FANCL: variants seen among roughly 807,000 people sequenced by gnomAD.
FANCL encodes E3 ubiquitin-protein ligase FANCL.
FANCL carries 69 observed loss-of-function variants against 59.4 expected under a neutral mutation model. The ratio of observed to expected loss-of-function variants is 1.16; its 90% CI spans 0.96 to 1.42. The LOEUF is 1.42. FANCL is among the 40% of genes most tolerant of loss of function. The pLI, the probability that FANCL is intolerant of heterozygous loss-of-function variation, is 0.00. For synonymous variants in FANCL, 180 were observed against 147.1 expected, an observed-to-expected ratio of 1.22 and a Z score of -1.62; for missense variants, 519 against 447.2, an observed-to-expected ratio of 1.16 and a Z score of -1.45.
chr2:58,184,963 A>G (rs1428963705), intron 7 of FANCL, among the ~76,000 whole-genome samples: 1 of 152,260 alleles, frequency 6.6e-6, no homozygotes, highest in East Asian at 1.9e-4. Flanking sequence ...AACCCACCAC[A>G]GACTTTAAAA....
At chr2:58,220,040 T>A (rs937198685) in intron 5 of FANCL, among the ~76,000 whole-genome samples, 5 of 151,830 alleles carry the variant, frequency 3.3e-5, no homozygotes, top group African/African-American at 7.3e-5. Flanking sequence ...CTAATATCCA[T>A]GGGTAAAACT....
chr2:58,224,249 C>T (rs1558816341), intron 4 of FANCL, among the ~76,000 whole-genome samples: 1 of 151,696 alleles, frequency 6.6e-6, no homozygotes. Flanking sequence ...TTCCCTTAGT[C>T]TCTCCTTGTA....
chr2:58,196,008 G>A (rs1689388001), intron 7 of FANCL, among the ~76,000 whole-genome samples: 1 of 152,066 alleles, frequency 6.6e-6, no homozygotes. Context: ...AACCTTATCA[G>A]TAGTGCTACA....
Position 58,175,143 on chromosome 2 carries a change from T to C in FANCL, c.541-9269A>G, listed in dbSNP as rs552473467. Among the ~76,000 whole-genome samples, 540 of 145,972 alleles carry C rather than the reference T, an allele frequency of 3.7e-3. 7 individuals carry two copies. Among genetic ancestry groups the C allele is most frequent in the African/African-American group, 0.013 (512 of 38,144 alleles). On this transcript the variant is annotated intron_variant, in intron 7 of 13. Transcript: ENST00000233741. ...GCTCTGAAATTGTGGCGAAAATCAA[T>C]AGCTTACCAACCAAAAAGAGTCCAG... is the stretch of plus-strand genomic sequence containing the variant.
Position 58,172,901 on chromosome 2 carries a change from C to T in FANCL, c.541-7027G>A, listed in dbSNP as rs555034008. On this transcript the variant is annotated intron_variant, in intron 7 of 13. Transcript: ENST00000233741. The stretch of plus-strand genomic sequence containing the variant: ...CTGAAAACTTTGAAAAAAATTTAGA[C>T]GAATGCATAACTAGAATAACCAATA... 1.5e-4 allele frequency among the ~76,000 whole-genome samples: 23 copies of T among 152,182 alleles called. No individual in the cohort carries two copies. The South Asian group carries it at 3.1e-3, about 21-fold the overall frequency.
chr2:58,200,297 C>T (rs1158331428), intron 6 of FANCL, among the ~76,000 whole-genome samples: 1 of 152,002 alleles, frequency 6.6e-6, no homozygotes, highest in Admixed American at 6.6e-5. Flanking sequence ...TCTTTGGTTC[C>T]AGCTCTGCTA....
chr2:58,215,437 T>C (rs1691616438), intron 5 of FANCL, among the ~76,000 whole-genome samples: 1 of 152,122 alleles, frequency 6.6e-6, no homozygotes, highest in Admixed American at 6.5e-5. Context: ...CTGGCCTAAA[T>C]GGAATAGCTT....
chr2:58,235,559 A>G (rs1184069177), intron 1 of FANCL, among the ~76,000 whole-genome samples: 1 of 152,112 alleles, frequency 6.6e-6, no homozygotes, highest in East Asian at 1.9e-4. Flanking sequence ...TCTCAAGAAT[A>G]CTTAGAGAAC....
rs764407713 is a variant in FANCL at position 58,241,300 on chromosome 2, TC to T, written c.13del (p.Glu5LysfsTer36). The T allele has an allele frequency of 6.2e-7, 1 of 1,614,216 alleles. No homozygotes were observed. Among genetic ancestry groups the T allele is most frequent in the Non-Finnish European group, 8.5e-7 (1 of 1,180,028 alleles). On this transcript the variant is annotated frameshift_variant, in exon 1 of 14. Coordinates refer to ENST00000233741, the MANE Select transcript of FANCL (RefSeq NM_018062.4). LOFTEE classifies it high-confidence loss of function. MAVT[E>X]ASLLRQCPLL... ...GGGGCACTGGCGCAACAGGCTCGCT[TC>T]CGTCACCGCCATGGCTCGAAGTCCG...
chr2:58,162,511 C>T (rs1685344791), intron 11 of FANCL, among the ~76,000 whole-genome samples: 1 of 151,514 alleles, frequency 6.6e-6, no homozygotes, highest in Non-Finnish European at 1.5e-5. Flanking sequence ...TTTTTTTAAC[C>T]AAATGCAGAT....
upstream of FANCL, chr2:58,241,340 A>T (rs1337214006): frequency 6.2e-7 from 1 of 1,610,924 alleles, no homozygotes; most frequent in South Asian, 1.1e-5. Flanking sequence ...AAACACAGAA[A>T]AGCTCTAGAC....
At chr2:58,173,873 T>A (rs957020230) in intron 7 of FANCL, among the ~76,000 whole-genome samples, 3 of 152,036 alleles carry the variant, frequency 2.0e-5, no homozygotes, top group African/African-American at 7.3e-5. Flanking sequence ...CCCATCAGTG[T>A]GCTGTATTCA....
chr2:58,187,830 A>T (rs182670062), intron 7 of FANCL, among the ~76,000 whole-genome samples: 1 of 152,274 alleles, frequency 6.6e-6, no homozygotes, highest in Non-Finnish European at 1.5e-5. Flanking sequence ...AGTTCTTTAT[A>T]TATTTTAAAC....
chr2:58,219,418 T>C (rs1247520118), intron 5 of FANCL, among the ~76,000 whole-genome samples: 1 of 151,472 alleles, frequency 6.6e-6, no homozygotes, highest in Non-Finnish European at 1.5e-5. Context: ...AAATTCCAAA[T>C]CTGTGTAAAT....
At chr2:58,194,374 C>G (rs1159291126) in intron 7 of FANCL, 1 of 458,178 alleles carries the variant, frequency 2.2e-6, no homozygotes, top group African/African-American at 2.0e-5. Context: ...ATTTACACAT[C>G]TGACCTGTAT....
Position 58,241,216 on chromosome 2 carries a change from A to C in FANCL, c.96+2T>G. ...GCTAGAAAGCAACCACTGGGCGGGT[A>C]CCTGAGCCGAGATGAATCCCTCATA... On this transcript the variant is annotated splice_donor_variant, in intron 1 of 13. Coordinates refer to ENST00000233741, the MANE Select transcript of FANCL (RefSeq NM_018062.4). LOFTEE classifies it high-confidence loss of function. 1 of 1,614,204 alleles carries C rather than the reference A, an allele frequency of 6.2e-7. No homozygotes were observed. The highest frequency in any genetic ancestry group is 8.5e-7 in the Non-Finnish European group (1 of 1,179,990).
At position 58,159,646 on chromosome 2, in the gene FANCL, A is replaced by G; in HGVS notation, c.*119T>C. 1 of 1,613,644 alleles carries G rather than the reference A, an allele frequency of 6.2e-7. No homozygotes were observed. On this transcript the variant is annotated 3_prime_UTR_variant, in exon 14 of 14. Transcript: ENST00000233741. ...AGATGTTTATTATTATCGCATCATC[A>G]TACCTGTCCTTTTGATGTTAGTATT...
intron 13 of FANCL, 43 bp from the exon 14 acceptor site, chr2:58,159,843 TAAA>T (rs764408622): frequency 6.2e-7 from 1 of 1,607,794 alleles, no homozygotes; most frequent in South Asian, 1.1e-5. Flanking sequence ...GTGGACACTC[TAAA>T]AAATAAAATT....
intron 5 of FANCL, among the ~76,000 whole-genome samples, chr2:58,206,595 T>C (rs1281201723): frequency 6.6e-6 from 1 of 152,168 alleles, no homozygotes; most frequent in African/African-American, 2.4e-5. Context: ...ATCTATAAAA[T>C]AACACAGAAA....
Sources: allele counts gnomAD v4.1 joint callset (sites outside exome capture counted in the v4.1 genomes callset), GRCh38; gene constraint gnomAD v4.1.1; transcripts MANE v1.5; gene names NCBI Gene and HGNC (gene_info 2026-07-23, HGNC 2026-07-21).